Variants in CFAP61 observed in about 807,000 individuals in gnomAD.
The protein encoded by CFAP61 is cilia and flagella associated protein 61.
A neutral mutation model predicts 135.6 loss-of-function variants in CFAP61; 107 were observed. The ratio of observed to expected loss-of-function variants is 0.79; its 90% confidence interval spans 0.67 to 0.93. CFAP61 has a LOEUF of 0.93. CFAP61 is among the 40% of genes least tolerant of loss of function. The pLI, the probability that CFAP61 is intolerant of heterozygous loss-of-function variation, is 0.00. For missense variants in CFAP61, 1,507 were observed against 1,556.2 expected, an observed-to-expected ratio of 0.97 and a Z score of 0.53; for synonymous variants, 575 against 578.5, an observed-to-expected ratio of 0.99 and a Z score of 0.09.
At chr20:20,286,234 C>A (rs1183634536) in intron 22 of CFAP61, among the ~76,000 whole-genome samples, 1 of 152,228 alleles carries the variant, frequency 6.6e-6, no homozygotes, top group Non-Finnish European at 1.5e-5. Context: ...TTTGTCCCCA[C>A]ATCAAAGCCT....
intron 11 of CFAP61, 99 bp downstream of exon 11, chr20:20,164,327 G>C: frequency 8.5e-7 from 1 of 1,182,588 alleles, no homozygotes; most frequent in Non-Finnish European, 1.2e-6. Context: ...TTCCAAACCT[G>C]GCCCACATCC....
chr20:20,268,858 T>G (rs2053029170), intron 21 of CFAP61, among the ~76,000 whole-genome samples: 1 of 152,116 alleles, frequency 6.6e-6, no homozygotes, highest in South Asian at 2.1e-4. Flanking sequence ...ACTACCTTAA[T>G]GGCTCAAAAT....
rs955149997 is a variant in CFAP61 at position 20,075,395 on chromosome 20, A to G, written c.440-94A>G. ...ATGTGCATATTTTATTAGAACAATT[A>G]AGCACAATTTAGAATGGAAACTACA... On this transcript the variant is annotated intron_variant, in intron 5 of 26. Transcript: ENST00000245957. 3.7e-6 allele frequency: 5 copies of G among 1,363,334 alleles called. No individual in the cohort carries two copies. In the African/African-American group the frequency reaches 1.5e-4, roughly 42 times the overall value. 84.5% of individuals were successfully genotyped at this position (1,363,334 alleles called of 1,614,324 possible).
chr20:20,357,947 C>A (rs1409786143), intron 26 of CFAP61, among the ~76,000 whole-genome samples: 2 of 93,898 alleles, frequency 2.1e-5, no homozygotes, highest in African/African-American at 4.7e-5. Flanking sequence ...GGAAGGTGGT[C>A]ACACTGAGGG....
At chr20:20,323,064 A>C (rs2057594071) in intron 25 of CFAP61, 1 of 985,338 alleles carries the variant, frequency 1.0e-6, no homozygotes, top group Non-Finnish European at 1.2e-6. Context: ...TCTTAGACAA[A>C]GCACTGCTGC....
intron 26 of CFAP61, among the ~76,000 whole-genome samples, chr20:20,345,455 A>G (rs1224828170): frequency 6.6e-6 from 1 of 152,190 alleles, no homozygotes; most frequent in African/African-American, 2.4e-5. Context: ...ATTTTATTTC[A>G]CCTTCTACCT....
At chr20:20,219,822 A>G (rs1004852718) in intron 17 of CFAP61, among the ~76,000 whole-genome samples, 1 of 152,208 alleles carries the variant, frequency 6.6e-6, no homozygotes, top group Non-Finnish European at 1.5e-5. Flanking sequence ...ATAAATATAC[A>G]TTTGGTCTCT....
intron 8 of CFAP61, among the ~76,000 whole-genome samples, chr20:20,133,736 A>T (rs976541846): frequency 6.6e-6 from 1 of 152,198 alleles, no homozygotes; most frequent in Non-Finnish European, 1.5e-5. Flanking sequence ...GGGAAATGGT[A>T]TCTGTTTTCC....
At chr20:20,215,491 GGA>G (rs1273928581) in intron 17 of CFAP61, among the ~76,000 whole-genome samples, 1 of 152,194 alleles carries the variant, frequency 6.6e-6, no homozygotes, top group African/African-American at 2.4e-5. Context: ...CATGCCATGG[GGA>G]GAGTATTTGG....
At chr20:20,293,622 G>A (rs2055171198) in intron 24 of CFAP61, among the ~76,000 whole-genome samples, 2 of 152,256 alleles carry the variant, frequency 1.3e-5, no homozygotes, top group Admixed American at 1.3e-4. Flanking sequence ...ATATAGCACA[G>A]ACAAATCTTA....
At chr20:20,062,507 G>A (rs1253406042) in intron 2 of CFAP61, among the ~76,000 whole-genome samples, 1 of 151,754 alleles carries the variant, frequency 6.6e-6, no homozygotes, top group East Asian at 1.9e-4. Context: ...GAAAATAAAG[G>A]ACAAGAGCGC....
chr20:20,052,798 A>C, intron 1 of CFAP61: 1 of 1,403,516 alleles, frequency 7.1e-7, no homozygotes, highest in Non-Finnish European at 9.6e-7. Context: ...GGAAACTACC[A>C]TTCCCAGCAT....
intron 24 of CFAP61, among the ~76,000 whole-genome samples, chr20:20,296,291 C>CTCCT (rs1159912523): frequency 2.8e-4 from 13 of 47,054 alleles, no homozygotes; most frequent in East Asian, 2.0e-3. Context: ...CATCCCTTCC[C>CTCCT]TCCTTCCCTT....
intron 7 of CFAP61, among the ~76,000 whole-genome samples, chr20:20,092,684 T>TA (rs1253489862): frequency 1.5e-4 from 14 of 94,420 alleles, no homozygotes; most frequent in East Asian, 5.4e-4. Context: ...ATAGACACTT[T>TA]TAAAAAAAAT....
intron 8 of CFAP61, among the ~76,000 whole-genome samples, chr20:20,113,643 A>G: frequency 6.6e-6 from 1 of 152,150 alleles, no homozygotes; most frequent in East Asian, 1.9e-4. Flanking sequence ...TACCACCCAC[A>G]CGTAATCGAT....
chr20:20,134,234 A>C (rs1406558221), intron 8 of CFAP61, among the ~76,000 whole-genome samples: 1 of 152,214 alleles, frequency 6.6e-6, no homozygotes, highest in Non-Finnish European at 1.5e-5. Context: ...TTTGAGTAAA[A>C]CTTCAAAGCA....
intron 13 of CFAP61, among the ~76,000 whole-genome samples, chr20:20,179,348 G>A (rs1441442582): frequency 6.6e-6 from 1 of 152,090 alleles, no homozygotes; most frequent in Non-Finnish European, 1.5e-5. Flanking sequence ...TCTCTACAAG[G>A]AGAACTACAA....
chr20:20,299,052 C>T lies in CFAP61; in HGVS notation c.3422+666C>T, dbSNP rs372046856. On this transcript the variant is annotated intron_variant, in intron 25 of 26. Coordinates refer to ENST00000245957, the MANE Select transcript of CFAP61 (RefSeq NM_015585.4). ...ACAAAGCAAGGTGATGCAGACCCAG[C>T]ACCAGAGACAGATGTGGAATGAAAA... Among the ~76,000 whole-genome samples, 91 of 152,334 alleles carry T rather than the reference C, an allele frequency of 6.0e-4. 1 individual carries two copies. In the South Asian group the frequency reaches 8.9e-3, roughly 15 times the overall value.
At chr20:20,272,173 C>T (rs2053408020) in intron 21 of CFAP61, among the ~76,000 whole-genome samples, 1 of 152,182 alleles carries the variant, frequency 6.6e-6, no homozygotes, top group Admixed American at 6.5e-5. Context: ...AGTGTGGTGG[C>T]TCATGCCTAT....
Sources: gnomAD v4.1 joint callset for allele counts (sites outside exome capture counted in the v4.1 genomes callset) on GRCh38, gnomAD v4.1.1 for gene constraint, MANE v1.5 for transcripts, NCBI Gene and HGNC (gene_info 2026-07-23, HGNC 2026-07-21) for gene names.